The following MED13L variants were observed in gnomAD, a reference collection of about 807,000 sequenced individuals.
The protein encoded by MED13L is mediator complex subunit 13L, also known as mediator of RNA polymerase II transcription subunit 13-like.
Under a neutral mutation model 220.9 loss-of-function variants are expected in MED13L, and 7 were observed. The ratio of observed to expected loss-of-function variants is 0.03; its 90% CI spans 0.02 to 0.06. MED13L has a LOEUF of 0.06. Among genes scored for constraint, MED13L ranks in the 10% least tolerant of loss-of-function variants. MED13L has a pLI of 1.00. For missense variants in MED13L, 1,965 were observed against 2,760.5 expected (o/e 0.71, Z 6.46); for synonymous variants, 1,011 against 1,015.2 (o/e 1.00, Z 0.08).
chr12:116,222,977 G>C (rs1868587932), intron 2 of MED13L, among the ~76,000 whole-genome samples: 1 of 152,184 alleles, frequency 6.6e-6, no homozygotes, highest in South Asian at 2.1e-4. Flanking sequence ...ATTAACTCAG[G>C]ATTCCAGAGT....
At chr12:115,996,742 G>A in intron 15 of MED13L, 61 bp from the exon 16 acceptor site, 1 of 1,420,980 alleles carries the variant, frequency 7.0e-7, no homozygotes, top group Non-Finnish European at 9.9e-7. Flanking sequence ...ACACCACAGT[G>A]GCATAGTGCT....
intron 29 of MED13L, among the ~76,000 whole-genome samples, chr12:115,965,781 A>G (rs953602031): frequency 6.6e-6 from 1 of 152,166 alleles, no homozygotes; most frequent in African/African-American, 2.4e-5. Context: ...GATGCAATAT[A>G]GACTTGGAGA....
In MED13L at chr12:115,967,757, A is replaced by G. The variant is rs372900881; in HGVS notation, c.6225+1183T>C. Among the ~76,000 whole-genome samples the G allele has an allele frequency of 3.3e-5, 5 of 152,222 alleles. No individual in the cohort carries two copies. The East Asian group carries it at 7.7e-4, about 23-fold the overall frequency. On this transcript the variant is annotated intron_variant, in intron 28 of 30. Coordinates refer to ENST00000281928, the MANE Select transcript of MED13L (RefSeq NM_015335.5). ...GGCATGCATTCTTAGCTGCTATGCT[A>G]CTTGCCTCCAGAATTCAAATTAAAC...
At chr12:115,975,809 G>A (rs950322260) in intron 23 of MED13L, 71 bp from the exon 24 acceptor site, 17 of 1,412,186 alleles carry the variant, frequency 1.2e-5, no homozygotes, top group South Asian at 3.6e-5. Context: ...AATCCAGAAC[G>A]ACACTGAGGG....
chr12:116,132,862 G>A (rs1236731923), intron 2 of MED13L, among the ~76,000 whole-genome samples: 1 of 151,790 alleles, frequency 6.6e-6, no homozygotes, highest in Non-Finnish European at 1.5e-5. Context: ...AGAGGCTGCA[G>A]TGAGCCGACA....
chr12:116,050,695 G>A (rs986809652), intron 4 of MED13L, among the ~76,000 whole-genome samples: 1 of 152,120 alleles, frequency 6.6e-6, no homozygotes. Context: ...CCAGCACTTT[G>A]GGAGGCCAAG....
chr12:116,274,980 T>C (rs1424218931), intron 1 of MED13L, among the ~76,000 whole-genome samples: 1 of 149,538 alleles, frequency 6.7e-6, no homozygotes, highest in Non-Finnish European at 1.5e-5. Context: ...TTATCATCCT[T>C]ACTTAAGCTT....
At chr12:115,962,526 G>A (rs1875835788) in intron 30 of MED13L, 2 of 152,114 alleles carry the variant, frequency 1.3e-5, no homozygotes, top group Admixed American at 6.5e-5. Flanking sequence ...AATTTATGTT[G>A]ATCAGGTTCT....
intron 4 of MED13L, among the ~76,000 whole-genome samples, chr12:116,038,381 A>G (rs1394782507): frequency 6.6e-6 from 1 of 152,130 alleles, no homozygotes; most frequent in Non-Finnish European, 1.5e-5. Context: ...CACATATTCT[A>G]TTGACTCCCT....
At chr12:116,039,336 C>G (rs993088223) in intron 4 of MED13L, among the ~76,000 whole-genome samples, 1 of 152,196 alleles carries the variant, frequency 6.6e-6, no homozygotes, top group Admixed American at 6.5e-5. Flanking sequence ...CTCACTAGTA[C>G]TCAAAGAAGG....
intron 28 of MED13L, 72 bp downstream of exon 28, chr12:115,968,868 A>G: frequency 1.1e-5 from 18 of 1,567,936 alleles, no homozygotes; most frequent in Non-Finnish European, 1.6e-5. Flanking sequence ...GAACAAGATG[A>G]TCAGATGTCC....
intron 26 of MED13L, 122 bp from the exon 27 acceptor site, chr12:115,970,892 A>AT (rs1312956692): frequency 1.8e-5 from 16 of 898,428 alleles, no homozygotes; most frequent in Non-Finnish European, 2.6e-5. Context: ...CACATTCAAA[A>AT]TTGAGTCCAA....
At chr12:116,152,752 A>G (rs1026235880) in intron 2 of MED13L, among the ~76,000 whole-genome samples, 1 of 152,168 alleles carries the variant, frequency 6.6e-6, no homozygotes, top group Non-Finnish European at 1.5e-5. Flanking sequence ...ATTTTTTAAA[A>G]ATGCATGCTA....
chr12:116,240,017 T>A (rs182680079), intron 1 of MED13L, among the ~76,000 whole-genome samples: 1 of 152,344 alleles, frequency 6.6e-6, no homozygotes, highest in East Asian at 1.9e-4. Flanking sequence ...TAGCAAAAAC[T>A]GTAAATGATA....
At chr12:116,124,142 G>GAGAC (rs1565888788) in intron 2 of MED13L, among the ~76,000 whole-genome samples, 10 of 115,762 alleles carry the variant, frequency 8.6e-5, no homozygotes, top group African/African-American at 2.7e-4. Context: ...GAGAGAGAGA[G>GAGAC]AGAGAGAGAC....
intron 9 of MED13L, among the ~76,000 whole-genome samples, chr12:116,009,968 T>C (rs1450405337): frequency 5.3e-5 from 8 of 152,150 alleles, no homozygotes; most frequent in Non-Finnish European, 1.2e-4. Flanking sequence ...GGGAAAAATA[T>C]GAGGTCTCCT....
chr12:116,264,478 A>G (rs1872701557), intron 1 of MED13L, among the ~76,000 whole-genome samples: 1 of 152,188 alleles, frequency 6.6e-6, no homozygotes, highest in African/African-American at 2.4e-5. Context: ...TTAAAAATTG[A>G]TTTTGTTTAT....
At chr12:116,152,570 G>A (rs1237046513) in intron 2 of MED13L, among the ~76,000 whole-genome samples, 1 of 152,030 alleles carries the variant, frequency 6.6e-6, no homozygotes, top group Non-Finnish European at 1.5e-5. Context: ...AGACCAGAGG[G>A]GCATAGAGGT....
At chr12:116,040,057 C>T (rs1439508420) in intron 4 of MED13L, among the ~76,000 whole-genome samples, 4 of 152,122 alleles carry the variant, frequency 2.6e-5, no homozygotes, top group African/African-American at 9.7e-5. Flanking sequence ...AATGCCACAA[C>T]GTTTTCTGTA....
Sources: gnomAD v4.1 joint callset for allele counts (sites outside exome capture counted in the v4.1 genomes callset) on GRCh38, gnomAD v4.1.1 for gene constraint, MANE v1.5 for transcripts, NCBI Gene and HGNC (gene_info 2026-07-23, HGNC 2026-07-21) for gene names.